The following FAT3 variants were observed in gnomAD, a reference collection of about 807,000 sequenced individuals.
The protein encoded by FAT3 is protocadherin Fat 3.
A neutral mutation model predicts 310.2 loss-of-function variants in FAT3; 95 were observed. The observed-to-expected ratio is 0.31, with a 90% CI of 0.26 to 0.36. The LOEUF (loss-of-function observed/expected upper bound fraction) is 0.36, where lower values mean the gene tolerates loss of function less well. FAT3 is among the 10% of genes least tolerant of loss of function. The probability of loss-of-function intolerance (pLI) is 1.00; values close to 1 mark genes in which losing one functional copy is unlikely to be tolerated. For synonymous variants in FAT3, 2,314 were observed against 2,192.9 expected (o/e 1.06, Z -1.54); for missense variants, 5,408 against 5,715.6 (o/e 0.95, Z 1.74).
chr11:92,381,373 T>A (rs1351788630), intron 2 of FAT3, among the ~76,000 whole-genome samples: 2 of 151,986 alleles, frequency 1.3e-5, no homozygotes, highest in African/African-American at 2.4e-5. Context: ...ATTAGCTGGG[T>A]ATGGTGGCAT....
intron 3 of FAT3, among the ~76,000 whole-genome samples, chr11:92,593,456 A>G (rs560800100): frequency 6.6e-6 from 1 of 150,658 alleles, no homozygotes; most frequent in South Asian, 2.1e-4. Context: ...TTTTTTTTTA[A>G]TATTAGCCAT....
rs181363576 is a variant in FAT3 at position 92,268,064 on chromosome 11, A to G, written c.-18+42890A>G. On this transcript the variant is annotated intron_variant, in intron 1 of 27. Transcript: ENST00000525166. ...GCCCTAAGTCCTTCAAAAAAAAAAA[A>G]AAAACCTAATCAGTTCAGAGAAGGA... 2.6e-3 allele frequency among the ~76,000 whole-genome samples: 399 copies of G among 152,166 alleles called. 1 individual carries two copies. Among genetic ancestry groups the G allele is most frequent in the African/African-American group, 9.0e-3 (374 of 41,524 alleles).
In FAT3 at chr11:92,479,622, C is replaced by T. The variant is rs150683556; in HGVS notation, c.3293-45012C>T. 1.7e-3 allele frequency among the ~76,000 whole-genome samples: 256 copies of T among 152,244 alleles called. 1 individual carries two copies. The highest frequency in any genetic ancestry group is 5.9e-3 in the African/African-American group (246 of 41,546). On this transcript the variant is annotated intron_variant, in intron 2 of 27. Transcript: ENST00000525166. ...CCCTTGGTCAAACACTCTTCTTTAT[C>T]AAAGGGACTAAGTAAAATTTCTGCT...
intron 3 of FAT3, among the ~76,000 whole-genome samples, chr11:92,555,854 G>A (rs1021281919): frequency 1.7e-4 from 26 of 152,132 alleles, no homozygotes; most frequent in African/African-American, 4.8e-4. Context: ...ACATTATGTC[G>A]TTCCTTTCTA....
chr11:92,670,244 G>GTGAT, intron 3 of FAT3, among the ~76,000 whole-genome samples: 1 of 152,314 alleles, frequency 6.6e-6, no homozygotes, highest in South Asian at 2.1e-4. Context: ...CAGTATGTTT[G>GTGAT]TGATAGGGAG....
chr11:92,772,451 A>C (rs1025272744), intron 6 of FAT3, among the ~76,000 whole-genome samples: 1 of 152,028 alleles, frequency 6.6e-6, no homozygotes, highest in Non-Finnish European at 1.5e-5. Context: ...AACATGAAAC[A>C]TTCCCTTTGA....
intron 8 of FAT3, among the ~76,000 whole-genome samples, chr11:92,790,819 A>G (rs549994391): frequency 1.3e-5 from 2 of 152,210 alleles, no homozygotes; most frequent in African/African-American, 2.4e-5. Flanking sequence ...GCTAGTTCAC[A>G]TAATTGGGAA....
At chr11:92,688,227 A>C (rs1285014975) in intron 3 of FAT3, among the ~76,000 whole-genome samples, 1 of 152,036 alleles carries the variant, frequency 6.6e-6, no homozygotes. Context: ...TTAATAAGTA[A>C]AGTCAAAACA....
chr11:92,690,758 G>A (rs2135887376), intron 3 of FAT3, among the ~76,000 whole-genome samples: 1 of 152,222 alleles, frequency 6.6e-6, no homozygotes, highest in South Asian at 2.1e-4. Flanking sequence ...CAAATTAAGT[G>A]CACAGCCTGA....
In FAT3 at chr11:92,831,825, A is replaced by G. The variant is rs759480029; in HGVS notation, c.9685A>G (p.Ile3229Val). 1.9e-6 allele frequency: 3 copies of G among 1,613,706 alleles called. No homozygotes were observed. Among genetic ancestry groups the G allele is most frequent in the Non-Finnish European group, 2.5e-6 (3 of 1,179,814 alleles). The change falls in exon 14 of 28, where the codon ATT becomes GTT. Residue 3229 changes from isoleucine (I) to valine (V), a missense_variant. By Grantham distance (29) the Ile-to-Val change is conservative. Coordinates refer to ENST00000525166, the MANE Select transcript of FAT3 (RefSeq NM_001367949.2). ...LTTVTITVLDINDNPPVFERR... is the reference protein window; with the variant it reads ...LTTVTITVLDVNDNPPVFERR... ...TACTGTCACCATCACCGTTCTGGACATTAATGACAACCCCCCTGTGTTTGA... is the reference window on the plus strand; with the variant it reads ...TACTGTCACCATCACCGTTCTGGACGTTAATGACAACCCCCCTGTGTTTGA...
intron 8 of FAT3, among the ~76,000 whole-genome samples, chr11:92,791,151 G>A (rs1249062452): frequency 3.3e-5 from 5 of 152,146 alleles, no homozygotes; most frequent in African/African-American, 1.2e-4. Flanking sequence ...AAGACTCCAG[G>A]AAACAGATGG....
At chr11:92,366,417 A>G (rs1436295179) in intron 2 of FAT3, 1 of 326,662 alleles carries the variant, frequency 3.1e-6, no homozygotes, top group Non-Finnish European at 6.1e-6. Context: ...TCAGTGTGAC[A>G]TGTCCAGGAG....
Position 92,844,353 on chromosome 11 carries a change from G to T in FAT3, c.10986G>T (p.Val3662=). The T allele has an allele frequency of 1.2e-6, 2 of 1,613,948 alleles. No homozygotes were observed. Among genetic ancestry groups the T allele is most frequent in the Non-Finnish European group, 1.7e-6 (2 of 1,179,898 alleles). Residue 3662 remains valine, a synonymous_variant, in exon 19 of 28, where the codon GTG becomes GTT. Coordinates refer to ENST00000525166, the MANE Select transcript of FAT3 (RefSeq NM_001367949.2). ...AAAATGTGTCCCCTGAGGACTTCGT[G>T]GGGCTGCACATGCATGGGTTCCGGC... The part of the protein sequence containing the change: ...RFENVSPEDF[V]GLHMHGFRRT...
intron 2 of FAT3, among the ~76,000 whole-genome samples, chr11:92,480,266 A>AAAAAC (rs897245145): frequency 3.9e-5 from 6 of 152,138 alleles, no homozygotes; most frequent in East Asian, 3.9e-4. Flanking sequence ...CTCTGTCTCA[A>AAAAAC]AAAACAAAAC....
At chr11:92,878,081 G>T (rs972331939) in intron 22 of FAT3, among the ~76,000 whole-genome samples, 6 of 152,168 alleles carry the variant, frequency 3.9e-5, no homozygotes, top group African/African-American at 7.2e-5. Flanking sequence ...TGTGGAGAGA[G>T]ACTGATTTCA....
intron 1 of FAT3, among the ~76,000 whole-genome samples, chr11:92,326,612 T>C (rs1947774216): frequency 6.6e-6 from 1 of 152,206 alleles, no homozygotes; most frequent in South Asian, 2.1e-4. Context: ...ATAATAGATG[T>C]GACCTTATTT....
chr11:92,807,306 G>A (rs1947529973), intron 12 of FAT3, among the ~76,000 whole-genome samples: 1 of 152,112 alleles, frequency 6.6e-6, no homozygotes, highest in South Asian at 2.1e-4. Flanking sequence ...AAGGTGCTCA[G>A]CATGTCAAAG....
intron 19 of FAT3, among the ~76,000 whole-genome samples, chr11:92,853,766 C>A (rs1403045024): frequency 6.6e-6 from 1 of 152,170 alleles, no homozygotes; most frequent in Non-Finnish European, 1.5e-5. Flanking sequence ...CTGTTTGAGT[C>A]TGGCAGGATC....
chr11:92,368,360 C>A (rs965710443), intron 2 of FAT3, among the ~76,000 whole-genome samples: 1 of 152,026 alleles, frequency 6.6e-6, no homozygotes, highest in East Asian at 1.9e-4. Context: ...TATCAAGTTT[C>A]TTTTTCATAT....
Sources: allele counts gnomAD v4.1 joint callset (sites outside exome capture counted in the v4.1 genomes callset), GRCh38; gene constraint gnomAD v4.1.1; transcripts MANE v1.5; gene names NCBI Gene and HGNC (gene_info 2026-07-23, HGNC 2026-07-21).